The following PID1 variants were observed in gnomAD, a reference collection of about 807,000 sequenced individuals.
PID1 encodes the protein PTB-containing, cubilin and LRP1-interacting protein.
Under a neutral mutation model 19.1 loss-of-function variants are expected in PID1, and 10 were observed. That is an observed-to-expected ratio of 0.52 (90% CI 0.32 to 0.89). PID1 has a LOEUF of 0.89. PID1 is among the 40% of genes least tolerant of loss of function. The pLI is 0.03. For missense variants in PID1, 248 were observed against 285.3 expected, an observed-to-expected ratio of 0.87 and a Z score of 0.94; for synonymous variants, 130 against 116.0, an observed-to-expected ratio of 1.12 and a Z score of -0.78.
chr2:229,200,940 C>A (rs558664091), intron 1 of PID1, among the ~76,000 whole-genome samples: 1 of 151,958 alleles, frequency 6.6e-6, no homozygotes, highest in Non-Finnish European at 1.5e-5. Flanking sequence ...TGGACACCAA[C>A]GCATTAACAG....
intron 1 of PID1, among the ~76,000 whole-genome samples, chr2:229,200,310 A>C (rs1691471466): frequency 1.3e-5 from 2 of 152,148 alleles, no homozygotes; most frequent in South Asian, 4.1e-4. Flanking sequence ...AATCAAGTGA[A>C]TGTATACAGA....
intron 2 of PID1, among the ~76,000 whole-genome samples, chr2:229,069,807 T>A (rs1694416058): frequency 6.6e-6 from 1 of 152,198 alleles, no homozygotes; most frequent in African/African-American, 2.4e-5. Context: ...TATTACTGCT[T>A]TATCAAAGAA....
chr2:229,268,972 G>A (rs933466572), intron 1 of PID1, among the ~76,000 whole-genome samples: 2 of 150,890 alleles, frequency 1.3e-5, no homozygotes, highest in African/African-American at 4.8e-5. Flanking sequence ...TAAATTATGT[G>A]TTTTCAAGGA....
At chr2:229,166,039 T>C (rs1690590483) in intron 1 of PID1, among the ~76,000 whole-genome samples, 1 of 152,218 alleles carries the variant, frequency 6.6e-6, no homozygotes, top group South Asian at 2.1e-4. Context: ...AGTAGCTATA[T>C]TTTTAAGAGC....
At chr2:229,227,458 C>T (rs1297069115) in intron 1 of PID1, among the ~76,000 whole-genome samples, 2 of 152,194 alleles carry the variant, frequency 1.3e-5, no homozygotes, top group African/African-American at 2.4e-5. Context: ...AGATCAGTAC[C>T]AGCTATCACA....
intron 2 of PID1, among the ~76,000 whole-genome samples, chr2:229,031,218 A>AAAAAAAAAAAAG (rs1693546458): frequency 6.7e-6 from 1 of 149,676 alleles, no homozygotes; most frequent in African/African-American, 2.4e-5. Context: ...TCTGTCTCAA[A>AAAAAAAAAAAAG]AAAAAAAAAA....
intron 2 of PID1, among the ~76,000 whole-genome samples, chr2:229,076,700 A>G (rs1694565567): frequency 6.6e-6 from 1 of 152,018 alleles, no homozygotes; most frequent in African/African-American, 2.4e-5. Flanking sequence ...AGCTTCATCC[A>G]TGTCCCTGCA....
intron 2 of PID1, among the ~76,000 whole-genome samples, chr2:229,135,748 G>A (rs893630448): frequency 2.0e-5 from 3 of 152,144 alleles, no homozygotes; most frequent in Admixed American, 2.0e-4. Context: ...GAAGGAACCT[G>A]GGGGCAGAAA....
At chr2:229,143,165 G>T (rs1039395259) in intron 2 of PID1, among the ~76,000 whole-genome samples, 7 of 145,294 alleles carry the variant, frequency 4.8e-5, no homozygotes, top group African/African-American at 1.8e-4. Flanking sequence ...ATGGACACAG[G>T]AAGGGGAACA....
intron 1 of PID1, among the ~76,000 whole-genome samples, chr2:229,246,445 A>G (rs571966108): frequency 2.0e-4 from 30 of 152,264 alleles, no homozygotes; most frequent in Middle Eastern, 3.4e-3. Context: ...ACATACACAT[A>G]ATTGAAGAGT....
intron 2 of PID1, among the ~76,000 whole-genome samples, chr2:229,044,047 C>A (rs963395793): frequency 6.6e-6 from 1 of 152,144 alleles, no homozygotes; most frequent in Non-Finnish European, 1.5e-5. Context: ...CAGATTTAAA[C>A]CAGGAAAGCA....
At chr2:229,120,584 G>A (rs531645274) in intron 2 of PID1, among the ~76,000 whole-genome samples, 9 of 149,424 alleles carry the variant, frequency 6.0e-5, no homozygotes, top group South Asian at 2.1e-4. Flanking sequence ...CTGTTCAAGG[G>A]TCAACTGTGT....
intron 2 of PID1, among the ~76,000 whole-genome samples, chr2:229,115,440 A>C (rs1257011720): frequency 6.6e-6 from 1 of 151,802 alleles, no homozygotes; most frequent in African/African-American, 2.4e-5. Context: ...AAAAGAAATA[A>C]AGGAAAAAGA....
Position 229,055,806 on chromosome 2 carries a change from T to C in PID1, c.178-29698A>G, listed in dbSNP as rs574365266. ...ACATTCTTCGGCATACAGCCTGACT[T>C]CAATAAAATAACTCATTTCTAGTGC... On this transcript the variant is annotated intron_variant, in intron 2 of 2. Coordinates refer to ENST00000392055, the MANE Select transcript of PID1 (RefSeq NM_001100818.2). Among the ~76,000 whole-genome samples, 7 of 152,350 alleles carry C rather than the reference T, an allele frequency of 4.6e-5. No homozygotes were observed. In the South Asian group the frequency reaches 1.4e-3, roughly 32 times the overall value.
intron 2 of PID1, among the ~76,000 whole-genome samples, chr2:229,079,135 T>C (rs898076078): frequency 6.6e-6 from 1 of 152,184 alleles, no homozygotes; most frequent in Non-Finnish European, 1.5e-5. Flanking sequence ...TGTCAAGTTA[T>C]TATAAATCAG....
intron 2 of PID1, among the ~76,000 whole-genome samples, chr2:229,029,777 T>G (rs1308603202): frequency 6.6e-6 from 1 of 151,054 alleles, no homozygotes; most frequent in African/African-American, 2.4e-5. Context: ...GAGGCAGAGG[T>G]TGCAGTGAGC....
chr2:229,130,746 A>G (rs1689721868), intron 2 of PID1, among the ~76,000 whole-genome samples: 1 of 152,194 alleles, frequency 6.6e-6, no homozygotes, highest in Non-Finnish European at 1.5e-5. Context: ...CCCCAGTGTT[A>G]GCTAAACTCA....
chr2:229,229,889 G>C (rs1172440600), intron 1 of PID1, among the ~76,000 whole-genome samples: 1 of 152,134 alleles, frequency 6.6e-6, no homozygotes, highest in Non-Finnish European at 1.5e-5. Context: ...TCTACAAAGA[G>C]GACATTTGAA....
intron 2 of PID1, among the ~76,000 whole-genome samples, chr2:229,117,121 G>C (rs760995454): frequency 6.6e-6 from 1 of 151,976 alleles, no homozygotes; most frequent in African/African-American, 2.4e-5. Context: ...TCTGAGCTCC[G>C]GATCAATACA....
Sources: allele counts gnomAD v4.1 joint callset (sites outside exome capture counted in the v4.1 genomes callset), GRCh38; gene constraint gnomAD v4.1.1; transcripts MANE v1.5; gene names NCBI Gene and HGNC (gene_info 2026-07-23, HGNC 2026-07-21).